ABCF2: variants seen among roughly 807,000 people sequenced by gnomAD.
The protein encoded by ABCF2 is ATP binding cassette subfamily F member 2.
Under a neutral mutation model 76.9 loss-of-function variants are expected in ABCF2, and 37 were observed. The observed-to-expected ratio is 0.48, with a 90% confidence interval of 0.37 to 0.63. The LOEUF (loss-of-function observed/expected upper bound fraction) is 0.63. ABCF2 is among the 30% of genes least tolerant of loss of function. ABCF2 has a pLI of 0.00. For missense variants in ABCF2, 524 were observed against 782.1 expected (o/e 0.67, Z 3.94); for synonymous variants, 299 against 283.7 (o/e 1.05, Z -0.54).
intron 10 of ABCF2, 80 bp downstream of exon 10, chr7:151,218,481 C>G: frequency 7.7e-7 from 1 of 1,295,560 alleles, no homozygotes; most frequent in East Asian, 2.3e-5. Flanking sequence ...GTGTGGTCAG[C>G]ACAGAACAGG....
rs1469969102 is a variant in ABCF2, at chr7:151,216,043, A to G, written c.1339-14T>C. 42 of 1,612,474 alleles carry G rather than the reference A, an allele frequency of 2.6e-5. No homozygotes were observed. The highest frequency in any genetic ancestry group is 3.6e-5 in the Non-Finnish European group (42 of 1,178,772). On this transcript the variant is annotated splice_polypyrimidine_tract_variant and intron_variant, in intron 11 of 14. Coordinates refer to ENST00000287844, the MANE Select transcript of ABCF2 (RefSeq NM_007189.3). ...TGTGGGTAGTAGCTAGGAAGAAAAA[A>G]GTAGAAACGTAAGCATGAAACAAAG...
At position 151,215,070 on chromosome 7, in the gene ABCF2, G is replaced by A. The variant is rs762920767; in HGVS notation, c.1543C>T (p.Arg515Trp). The change falls in exon 14 of 15, where the codon CGG (arginine) becomes TGG (tryptophan). Residue 515 changes from arginine (R) to tryptophan (W), a missense_variant. Coordinates refer to ENST00000287844, the MANE Select transcript of ABCF2 (RefSeq NM_007189.3). This position sits in a 1 kb window ranked among gnomAD's most constrained non-coding sequence, Gnocchi z 4.6. Reference protein sequence around the residue: ...LTGKQQVSPIRNLSDGQKCRV... With the variant: ...LTGKQQVSPIWNLSDGQKCRV... The stretch of plus-strand genomic sequence containing the variant: ...CACTTCTGCCCGTCTGACAAGTTCC[G>A]GATTGGGCTCACCTGAGTAGAACCG... 3.1e-6 allele frequency: 5 copies of A among 1,613,372 alleles called. No individual in the cohort carries two copies. The highest frequency in any genetic ancestry group is 1.7e-5 in the Admixed American group (1 of 59,902).
Position 151,213,255 on chromosome 7 carries a change from G to A in ABCF2, c.*799C>T, listed in dbSNP as rs1017507751. ...AAACCTATTGAACCAGAAACGCTGA[G>A]GCGAGATCTGGCAATCTGATTGCAT... is the stretch of plus-strand genomic sequence containing the variant. On this transcript the variant is annotated 3_prime_UTR_variant, in exon 15 of 15. Coordinates refer to ENST00000287844, the MANE Select transcript of ABCF2 (RefSeq NM_007189.3). The A allele has an allele frequency of 4.1e-6, 4 of 974,026 alleles. No homozygotes were observed. Among genetic ancestry groups the A allele is most frequent in the Middle Eastern group, 5.2e-4 (1 of 1,910 alleles). 60.3% of individuals were successfully genotyped at this position (974,026 alleles called of 1,614,324 possible).
Position 151,215,087 on chromosome 7 carries a change from G to T in ABCF2, c.1531-5C>A. ...CAAGTTCCGGATTGGGCTCACCTGA[G>T]TAGAACCGTGACCTACATATAACTT... On this transcript the variant is annotated splice_polypyrimidine_tract_variant and splice_region_variant and intron_variant, in intron 13 of 14. Coordinates refer to ENST00000287844, the MANE Select transcript of ABCF2 (RefSeq NM_007189.3). The surrounding 1 kb of genome is among the most constrained non-coding windows in gnomAD (Gnocchi z 4.6). 1 of 1,610,652 alleles carries T rather than the reference G, an allele frequency of 6.2e-7. No individual in the cohort carries two copies. Among genetic ancestry groups the T allele is most frequent in the Admixed American group, 1.7e-5 (1 of 59,524 alleles).
chr7:151,226,266 C>T, intron 2 of ABCF2, 39 bp downstream of exon 2: 1 of 1,603,222 alleles, frequency 6.2e-7, no homozygotes, highest in Non-Finnish European at 8.5e-7. Flanking sequence ...TGCATTAAGT[C>T]TTAGCAACCA....
Position 151,224,762 on chromosome 7 carries a change from T to A in ABCF2, c.367+14A>T, listed in dbSNP as rs1274705622. On this transcript the variant is annotated intron_variant, in intron 3 of 14. Transcript: ENST00000287844. ...AAGGAGAGATACCTCCCACCTCCCC[T>A]TCCAAGGCCTCACCAATTCCATTTA... 3 of 1,612,612 alleles carry A rather than the reference T, an allele frequency of 1.9e-6. No homozygotes were observed. Among genetic ancestry groups the A allele is most frequent in the Non-Finnish European group, 2.5e-6 (3 of 1,178,728 alleles).
Position 151,212,526 on chromosome 7 carries a change from G to A in ABCF2, c.*1528C>T, listed in dbSNP as rs1049680444. ...AATTTTTTTATTTTTTTGAGACAGT[G>A]TCTCGGTCTGTCATCAGGCTGGAGT... On this transcript the variant is annotated 3_prime_UTR_variant, in exon 15 of 15. Transcript: ENST00000287844. 4 of 980,768 alleles carry A rather than the reference G, an allele frequency of 4.1e-6. No individual in the cohort carries two copies. The highest frequency in any genetic ancestry group is 4.8e-6 in the Non-Finnish European group (4 of 825,822). 60.8% of individuals were successfully genotyped at this position (980,768 alleles called of 1,614,324 possible). A position where few individuals can be genotyped will look rare whatever the true frequency, so the allele number is the denominator to read the frequency against.
rs1021869473 is a variant in ABCF2 at position 151,226,525 on chromosome 7, C to G, written c.-42-25G>C. On this transcript the variant is annotated intron_variant, in intron 1 of 14. Transcript: ENST00000287844. Reference sequence around the variant, plus strand: ...CCTGAAGGAAGGCAAACAGATACCCCCAAACCCTAAACTTACTAGTAAGAA... The same window carrying G: ...CCTGAAGGAAGGCAAACAGATACCCGCAAACCCTAAACTTACTAGTAAGAA... 1.1e-5 allele frequency: 17 copies of G among 1,535,670 alleles called. No individual in the cohort carries two copies. The Middle Eastern group carries it at 8.1e-4, about 74-fold the overall frequency.
rs757567083 is a variant in ABCF2, at chr7:151,224,840, G to A, written c.303C>T (p.Leu101=). The change falls in exon 3 of 15, where the codon CTC becomes CTT. Residue 101 remains leucine (L), a synonymous_variant. Transcript: ENST00000287844. ...LSLTFHGQEL[L]SDTKLELNSG... ...AGTTTAATTCCAGTTTGGTGTCACT[G>A]AGCAGCTCTTGACCATGAAAGGTAA... 16 of 1,614,082 alleles carry A rather than the reference G, an allele frequency of 9.9e-6. No homozygotes were observed. Among genetic ancestry groups the A allele is most frequent in the African/African-American group, 1.3e-5 (1 of 74,926 alleles).
In ABCF2 at chr7:151,213,041, G is replaced by A. The variant is rs1053109693; in HGVS notation, c.*1013C>T. 4 of 984,464 alleles carry A rather than the reference G, an allele frequency of 4.1e-6. No individual in the cohort carries two copies. In the South Asian group the frequency reaches 1.4e-4, roughly 35 times the overall value. The allele number at this position is 984,464 out of a possible 1,614,324, so 61.0% of individuals were successfully genotyped here. On this transcript the variant is annotated 3_prime_UTR_variant, in exon 15 of 15. Transcript: ENST00000287844. The stretch of plus-strand genomic sequence containing the variant: ...AGCCTCCCAAAGCGCTGGGATTACA[G>A]GTGTGAGCCACCGCACCTGGCCTGC...
In ABCF2 at chr7:151,215,133, G is replaced by A; in HGVS notation, c.1531-51C>T. The stretch of plus-strand genomic sequence containing the variant: ...AACTTGGCATTATCCCCGCCAAACA[G>A]CACAGCTCATCTCTCCCTCATTTCT... On this transcript the variant is annotated intron_variant, in intron 13 of 14. Transcript: ENST00000287844. This position sits in a 1 kb window ranked among gnomAD's most constrained non-coding sequence, Gnocchi z 4.6. 1.3e-6 allele frequency: 2 copies of A among 1,501,802 alleles called. No homozygotes were observed. Among genetic ancestry groups the A allele is most frequent in the Non-Finnish European group, 9.1e-7 (1 of 1,095,458 alleles). The allele number at this position is 1,501,802 out of a possible 1,614,324, so 93.0% of individuals were successfully genotyped here. A position where few individuals can be genotyped will look rare whatever the true frequency, so the allele number is the denominator to read the frequency against.
chr7:151,219,997 G>A (rs991118480), intron 7 of ABCF2, among the ~76,000 whole-genome samples: 1 of 152,014 alleles, frequency 6.6e-6, no homozygotes, highest in African/African-American at 2.4e-5. Context: ...TACTTGGGAG[G>A]GTGAGGTGGG....
chr7:151,220,289 C>T (rs756645135), intron 7 of ABCF2, among the ~76,000 whole-genome samples: 9 of 148,638 alleles, frequency 6.1e-5, no homozygotes, highest in Non-Finnish European at 1.2e-4. Context: ...CTCAGGAAGC[C>T]GAGGCAGGAG....
intron 7 of ABCF2, among the ~76,000 whole-genome samples, chr7:151,219,753 G>A (rs887697397): frequency 7.9e-5 from 12 of 152,176 alleles, no homozygotes; most frequent in African/African-American, 2.9e-4. Context: ...CACATGGAAA[G>A]CAGTCCAAAA....
Position 151,211,995 on chromosome 7 carries a change from T to C in ABCF2, c.*2059A>G. The stretch of plus-strand genomic sequence containing the variant: ...CAATTCCACCTTTCTGGGCAGCTAC[T>C]CACAAGAAATTTCCCTCCTTTTTGA... On this transcript the variant is annotated 3_prime_UTR_variant, in exon 15 of 15. Transcript: ENST00000287844. 1 of 972,084 alleles carries C rather than the reference T, an allele frequency of 1.0e-6. No individual in the cohort carries two copies. Among genetic ancestry groups the C allele is most frequent in the Non-Finnish European group, 1.2e-6 (1 of 817,830 alleles). The allele number at this position is 972,084 out of a possible 1,614,324, so 60.2% of individuals were successfully genotyped here.
chr7:151,225,094 T>G lies in ABCF2; in HGVS notation c.155-106A>C, dbSNP rs1434336956. 5.9e-6 allele frequency: 6 copies of G among 1,021,920 alleles called. No individual in the cohort carries two copies. In the Admixed American group the frequency reaches 1.1e-4, roughly 19 times the overall value. 63.3% of individuals were successfully genotyped at this position (1,021,920 alleles called of 1,614,324 possible). On this transcript the variant is annotated intron_variant, in intron 2 of 14. Coordinates refer to ENST00000287844, the MANE Select transcript of ABCF2 (RefSeq NM_007189.3). The stretch of plus-strand genomic sequence containing the variant: ...GCTCCAATCCTGCTGAGCACTCAGA[T>G]GTTTCCCAAACTTTACAGAGTGCAC...
chr7:151,218,483 C>T, intron 10 of ABCF2, 78 bp downstream of exon 10: 2 of 1,316,534 alleles, frequency 1.5e-6, no homozygotes, highest in East Asian at 2.3e-5. Context: ...GTGGTCAGCA[C>T]AGAACAGGAG....
rs141315962 is a variant in ABCF2, at chr7:151,214,960, G to A, written c.1653C>T (p.Thr551=). ...TGATGGCATCTGCCAGGGCGTCGAT[G>A]GTCTCGATATCCAGGTGATTGGTGG... The part of the protein sequence containing the change: ...DEPTNHLDIE[T]IDALADAINE... The change falls in exon 14 of 15, where the codon ACC becomes ACT. Residue 551 remains threonine (T), a synonymous_variant. Coordinates refer to ENST00000287844, the MANE Select transcript of ABCF2 (RefSeq NM_007189.3). This position sits in a 1 kb window ranked among gnomAD's most constrained non-coding sequence, Gnocchi z 4.9. 5.0e-6 allele frequency: 8 copies of A among 1,614,206 alleles called. No individual in the cohort carries two copies. The highest frequency in any genetic ancestry group is 6.8e-6 in the Non-Finnish European group (8 of 1,180,040).
chr7:151,219,920 G>A (rs1314492441), intron 7 of ABCF2, among the ~76,000 whole-genome samples: 3 of 151,936 alleles, frequency 2.0e-5, no homozygotes, highest in African/African-American at 7.3e-5. Flanking sequence ...CCAACATGGC[G>A]AAACCCCGTC....
Sources: gnomAD v4.1 joint callset for allele counts (sites outside exome capture counted in the v4.1 genomes callset) on GRCh38, gnomAD v4.1.1 for gene constraint, Gnocchi (gnomAD v3.1) non-coding constraint, MANE v1.5 for transcripts, NCBI Gene and HGNC (gene_info 2026-07-23, HGNC 2026-07-21) for gene names.